MALRD1: variants seen among roughly 807,000 people sequenced by gnomAD.
MALRD1 encodes the protein MAM and LDL receptor class A domain containing 1.
In MALRD1, 247 loss-of-function variants were observed where a neutral mutation model predicts 242.1. The ratio of observed to expected loss-of-function variants is 1.02; its 90% CI spans 0.92 to 1.13. The LOEUF is 1.13. Ranked by LOEUF, MALRD1 falls within the 50% of genes most tolerant of loss-of-function variation. The pLI is 0.00. For missense variants in MALRD1, 2,989 were observed against 2,533.1 expected (o/e 1.18, Z -3.86); for synonymous variants, 995 against 866.6 (o/e 1.15, Z -2.60).
chr10:19,610,567 A>T (rs531845956), intron 35 of MALRD1, among the ~76,000 whole-genome samples: 36 of 152,100 alleles, frequency 2.4e-4, no homozygotes, highest in African/African-American at 8.2e-4. Context: ...ATCTCTTCAA[A>T]CTATGTGCAG....
intron 32 of MALRD1, among the ~76,000 whole-genome samples, chr10:19,538,815 A>T (rs1440654114): frequency 6.6e-6 from 1 of 152,098 alleles, no homozygotes; most frequent in African/African-American, 2.4e-5. Context: ...ACTTTCTAAA[A>T]CTTCCGTGAT....
rs752807250 is a variant in MALRD1 at position 19,088,176 on chromosome 10, G to A, written c.588G>A (p.Gln196=). ...ATGTCATCAAAATCCAGAGTTCACA[G>A]AGATTTCAGGTATGTGTGTTCTATT... ...ERNVIKIQSS[Q]RFQVVFEGQM... The change falls in exon 4 of 40, where the codon CAG becomes CAA. Residue 196 remains glutamine, a synonymous_variant. Transcript: ENST00000454679. 8.8e-5 allele frequency: 109 copies of A among 1,233,182 alleles called. No homozygotes were observed. Among genetic ancestry groups the A allele is most frequent in the Non-Finnish European group, 1.1e-4 (104 of 987,720 alleles). The allele number at this position is 1,233,182 out of a possible 1,614,324, so 76.4% of individuals were successfully genotyped here.
intron 24 of MALRD1, among the ~76,000 whole-genome samples, chr10:19,346,129 T>C (rs188286942): frequency 1.3e-5 from 2 of 152,238 alleles, no homozygotes; most frequent in African/African-American, 2.4e-5. Context: ...CAAAGAGTAA[T>C]TGGTTTATTT....
At chr10:19,204,478 G>T in intron 16 of MALRD1, 65 bp downstream of exon 16, 1 of 1,035,388 alleles carries the variant, frequency 9.7e-7, no homozygotes, top group Non-Finnish European at 1.4e-6. Context: ...GTGTTTGCAG[G>T]CATACCTCTG....
At chr10:19,675,778 G>A (rs935098870) in intron 36 of MALRD1, among the ~76,000 whole-genome samples, 15 of 152,184 alleles carry the variant, frequency 9.9e-5, no homozygotes, top group Admixed American at 9.2e-4. Context: ...TAATTGCAGT[G>A]TACAAGAGTA....
chr10:19,051,339 A>AAT (rs1834488358), intron 1 of MALRD1: 2 of 152,186 alleles, frequency 1.3e-5, no homozygotes, highest in Non-Finnish European at 2.9e-5. Flanking sequence ...CATTTAAAGA[A>AAT]ATAGATTAAT....
chr10:19,372,894 C>T (rs80103451), intron 26 of MALRD1, among the ~76,000 whole-genome samples: 1,921 of 152,154 alleles, frequency 0.013, 31 homozygotes, highest in African/African-American at 0.035. Flanking sequence ...TTTAAAAGCT[C>T]AGCAGGTTTC....
chr10:19,583,666 G>C (rs895565807), intron 33 of MALRD1, among the ~76,000 whole-genome samples: 19 of 152,130 alleles, frequency 1.2e-4, no homozygotes, highest in African/African-American at 4.3e-4. Flanking sequence ...GTTCATCAAG[G>C]GTATTGGTCT....
chr10:19,199,127 T>C (rs970773987), intron 14 of MALRD1, among the ~76,000 whole-genome samples: 2 of 152,190 alleles, frequency 1.3e-5, no homozygotes, highest in Non-Finnish European at 2.9e-5. Context: ...AATTAACTTT[T>C]GTCCTCCTTC....
intron 36 of MALRD1, among the ~76,000 whole-genome samples, chr10:19,688,141 T>C (rs1424474122): frequency 6.6e-6 from 1 of 152,142 alleles, no homozygotes; most frequent in African/African-American, 2.4e-5. Flanking sequence ...AGCTAATTTT[T>C]GTATTTTTAG....
In MALRD1 at chr10:19,700,021, G is replaced by C. The variant is rs976680696; in HGVS notation, c.6314+7467G>C. Among the ~76,000 whole-genome samples the C allele has an allele frequency of 2.1e-3, 297 of 141,272 alleles. 3 individuals are homozygous for C. The highest frequency in any genetic ancestry group is 7.5e-3 in the African/African-American group (286 of 38,376). 92.7% of individuals were successfully genotyped at this position (141,272 alleles called of 152,430 possible). A position where few individuals can be genotyped will look rare whatever the true frequency, so the allele number is the denominator to read the frequency against. On this transcript the variant is annotated intron_variant, in intron 38 of 39. Transcript: ENST00000454679. ...AAGGGTCCCAAGTGAAATTGATTTA[G>C]ACACACACACACACACACACACACA...
At chr10:19,699,203 T>TATAATAATAACA (rs1554827194) in intron 38 of MALRD1, among the ~76,000 whole-genome samples, 5 of 147,220 alleles carry the variant, frequency 3.4e-5, no homozygotes, top group African/African-American at 1.3e-4. Context: ...GAACTTAAAG[T>TATAATAATAACA]ATAATAATAA....
At chr10:19,209,219 G>T (rs896323617) in intron 17 of MALRD1, 49 bp from the exon 18 acceptor site, 2 of 1,417,720 alleles carry the variant, frequency 1.4e-6, no homozygotes, top group African/African-American at 1.4e-5. Flanking sequence ...GTGGTTGCAT[G>T]TATTTTTGTC....
In MALRD1 at chr10:19,668,719, A is replaced by G. The variant is rs76243155; in HGVS notation, c.6138-23563A>G. Among the ~76,000 whole-genome samples, 673 of 152,290 alleles carry G rather than the reference A, an allele frequency of 4.4e-3. 6 individuals carry two copies. The highest frequency in any genetic ancestry group is 0.015 in the African/African-American group (616 of 41,552). On this transcript the variant is annotated intron_variant, in intron 36 of 39. Coordinates refer to ENST00000454679, the MANE Select transcript of MALRD1 (RefSeq NM_001142308.3). ...TTTAGGAAATTATAATACAACACTC[A>G]AAAATTTTAGACATTGACAAAAATA...
At chr10:19,060,251 C>G (rs1414781677) in intron 1 of MALRD1, among the ~76,000 whole-genome samples, 2 of 152,176 alleles carry the variant, frequency 1.3e-5, no homozygotes, top group African/African-American at 4.8e-5. Flanking sequence ...TGTACGTTAT[C>G]TTACAGCAGT....
At chr10:19,280,793 T>C (rs1273350183) in intron 20 of MALRD1, among the ~76,000 whole-genome samples, 2 of 152,188 alleles carry the variant, frequency 1.3e-5, no homozygotes, top group Non-Finnish European at 2.9e-5. Context: ...AGTTTAAAAA[T>C]GGGCTTCTCA....
At chr10:19,638,097 C>T (rs1589342880) in intron 36 of MALRD1, among the ~76,000 whole-genome samples, 1 of 80,728 alleles carries the variant, frequency 1.2e-5, no homozygotes, top group African/African-American at 5.3e-5. Flanking sequence ...GAGAAACTCA[C>T]TCTCAAAAAA....
intron 18 of MALRD1, among the ~76,000 whole-genome samples, chr10:19,239,752 G>A (rs1395902526): frequency 2.0e-5 from 3 of 151,974 alleles, no homozygotes; most frequent in Non-Finnish European, 4.4e-5. Context: ...TTAATGAAGA[G>A]ACTGTCTTTA....
upstream of MALRD1, among the ~76,000 whole-genome samples, chr10:19,048,250 G>C (rs79338274): frequency 0.014 from 2,103 of 152,142 alleles, 66 homozygotes; most frequent in African/African-American, 0.049. Context: ...ACTTCCTTGG[G>C]TTGAAGTTAT....
Sources: gnomAD v4.1 joint callset for allele counts (sites outside exome capture counted in the v4.1 genomes callset) on GRCh38, gnomAD v4.1.1 for gene constraint, MANE v1.5 for transcripts, NCBI Gene and HGNC (gene_info 2026-07-23, HGNC 2026-07-21) for gene names.